PRKAG2: variants seen among roughly 807,000 people sequenced by gnomAD.
PRKAG2 encodes protein kinase AMP-activated non-catalytic subunit gamma 2, also known as 5'-AMP-activated protein kinase subunit gamma-2.
Under a neutral mutation model 69.6 loss-of-function variants are expected in PRKAG2, and 26 were observed. The ratio of observed to expected loss-of-function variants is 0.37; its 90% CI spans 0.27 to 0.52. The LOEUF is 0.52. Ranked by LOEUF, PRKAG2 falls within the 20% of genes least tolerant of loss-of-function variation. PRKAG2 has a pLI of 0.90. For missense variants in PRKAG2, 557 were observed against 740.0 expected, an observed-to-expected ratio of 0.75 and a Z score of 2.87; for synonymous variants, 293 against 285.0, an observed-to-expected ratio of 1.03 and a Z score of -0.28.
intron 4 of PRKAG2, among the ~76,000 whole-genome samples, chr7:151,668,444 A>G (rs1831357023): frequency 6.6e-6 from 1 of 152,244 alleles, no homozygotes; most frequent in Non-Finnish European, 1.5e-5. Flanking sequence ...AAAGAAGAGC[A>G]TAGAGAATTC....
Position 151,725,308 on chromosome 7 carries a change from T to C in PRKAG2, c.467-49671A>G, listed in dbSNP as rs531184731. On this transcript the variant is annotated intron_variant, in intron 3 of 15. Coordinates refer to ENST00000287878, the MANE Select transcript of PRKAG2 (RefSeq NM_016203.4). ...CCAGTCACAAACAAATACTGTCTGA[T>C]TCCGCTGACGAGAGGTCCCTGGAGT... 4.5e-3 allele frequency among the ~76,000 whole-genome samples: 685 copies of C among 152,208 alleles called. 2 individuals carry two copies. The highest frequency in any genetic ancestry group is 7.2e-3 in the Non-Finnish European group (492 of 68,016).
chr7:151,757,344 A>C (rs2075155661), intron 3 of PRKAG2, among the ~76,000 whole-genome samples: 1 of 152,202 alleles, frequency 6.6e-6, no homozygotes, highest in African/African-American at 2.4e-5. Context: ...AAAGGACCTG[A>C]AGTTTTACAA....
At chr7:151,660,109 C>A (rs1310280816) in intron 4 of PRKAG2, among the ~76,000 whole-genome samples, 9 of 152,192 alleles carry the variant, frequency 5.9e-5, no homozygotes, top group Non-Finnish European at 4.4e-5. Flanking sequence ...AAAGAATAAA[C>A]CATATTAATA....
At chr7:151,635,569 A>AG (rs2151342226) in intron 4 of PRKAG2, among the ~76,000 whole-genome samples, 1 of 150,238 alleles carries the variant, frequency 6.7e-6, no homozygotes, top group East Asian at 1.9e-4. Context: ...AATTATGCTG[A>AG]GGGGGAAAAA....
At chr7:151,696,241 C>A (rs1459743123) in intron 3 of PRKAG2, among the ~76,000 whole-genome samples, 1 of 152,242 alleles carries the variant, frequency 6.6e-6, no homozygotes, top group Non-Finnish European at 1.5e-5. Context: ...CCGCAGCTCA[C>A]AGCACTTTCA....
At chr7:151,561,092 A>G (rs1048406656) in intron 14 of PRKAG2, among the ~76,000 whole-genome samples, 26 of 152,312 alleles carry the variant, frequency 1.7e-4, no homozygotes, top group African/African-American at 5.8e-4. Context: ...ACAGGGACAC[A>G]GGCATGAGAA....
intron 1 of PRKAG2, among the ~76,000 whole-genome samples, chr7:151,822,335 G>A (rs923963233): frequency 2.6e-5 from 4 of 151,902 alleles, no homozygotes; most frequent in Non-Finnish European, 4.4e-5. Flanking sequence ...AGCAGGCCAG[G>A]GTCAAGGGCG....
At chr7:151,725,733 T>G (rs1797831455) in intron 3 of PRKAG2, among the ~76,000 whole-genome samples, 1 of 152,094 alleles carries the variant, frequency 6.6e-6, no homozygotes. Context: ...ACTTGAAGTG[T>G]GGGGAAGACC....
intron 6 of PRKAG2, among the ~76,000 whole-genome samples, 199 bp downstream of exon 6, chr7:151,595,146 T>A (rs1814148189): frequency 6.6e-6 from 1 of 152,162 alleles, no homozygotes. Flanking sequence ...AGCTTCCCTG[T>A]CTTTAGGAAG....
chr7:151,741,440 G>A (rs2073884894), intron 3 of PRKAG2, among the ~76,000 whole-genome samples: 1 of 152,182 alleles, frequency 6.6e-6, no homozygotes, highest in Non-Finnish European at 1.5e-5. Context: ...CATTTTGGGA[G>A]GCCGAGGCAG....
Position 151,835,325 on chromosome 7 carries a change from C to A in PRKAG2, c.114+41182G>T, listed in dbSNP as rs1260476464. Among the ~76,000 whole-genome samples the A allele has an allele frequency of 6.6e-6, 1 of 152,018 alleles. No individual in the cohort carries two copies. The highest frequency in any genetic ancestry group is 2.4e-5 in the African/African-American group (1 of 41,378). ...CCTTGACCTCCTGGGCTCAAGTGATCCTCCAGGTAATATTTTTATTTTTTA... is the reference window on the plus strand; with the variant it reads ...CCTTGACCTCCTGGGCTCAAGTGATACTCCAGGTAATATTTTTATTTTTTA... On this transcript the variant is annotated intron_variant, in intron 1 of 15. Coordinates refer to ENST00000287878, the MANE Select transcript of PRKAG2 (RefSeq NM_016203.4). This position sits in a 1 kb window ranked among gnomAD's most constrained non-coding sequence, Gnocchi z 4.1.
chr7:151,728,783 C>A (rs761206107), intron 3 of PRKAG2, among the ~76,000 whole-genome samples: 1 of 152,152 alleles, frequency 6.6e-6, no homozygotes, highest in Non-Finnish European at 1.5e-5. Context: ...CTGATGAGCG[C>A]CCCTGGGAGA....
At chr7:151,672,045 G>T (rs1239822472) in intron 4 of PRKAG2, among the ~76,000 whole-genome samples, 2 of 150,412 alleles carry the variant, frequency 1.3e-5, no homozygotes, top group African/African-American at 4.9e-5. Context: ...TTTTGAGATG[G>T]AGTTTCACTC....
intron 6 of PRKAG2, among the ~76,000 whole-genome samples, chr7:151,577,961 T>TA (rs1481794011): frequency 6.7e-6 from 1 of 150,308 alleles, no homozygotes; most frequent in Non-Finnish European, 1.5e-5. Flanking sequence ...AATGTTTCTT[T>TA]AAAAAAAGTG....
At chr7:151,847,984 C>T (rs1168838061) in intron 1 of PRKAG2, among the ~76,000 whole-genome samples, 1 of 152,196 alleles carries the variant, frequency 6.6e-6, no homozygotes, top group African/African-American at 2.4e-5. Flanking sequence ...ATCAGAGCTG[C>T]TTTTCTAAAG....
intron 15 of PRKAG2, chr7:151,559,514 A>G (rs1005005555): frequency 1.5e-5 from 15 of 981,816 alleles, no homozygotes; most frequent in Non-Finnish European, 1.6e-5. Flanking sequence ...GGTGGTGGTG[A>G]TGATGCCTGG....
chr7:151,608,551 C>G (rs530649738), intron 5 of PRKAG2, among the ~76,000 whole-genome samples: 1 of 152,200 alleles, frequency 6.6e-6, no homozygotes, highest in Non-Finnish European at 1.5e-5. Flanking sequence ...TTGTAGATAT[C>G]AGGCATGAGT....
intron 1 of PRKAG2, among the ~76,000 whole-genome samples, chr7:151,829,744 T>G (rs1353910578): frequency 2.6e-5 from 4 of 151,952 alleles, no homozygotes; most frequent in Admixed American, 1.3e-4. Flanking sequence ...TTAAAAACAT[T>G]TCGTTACGTG....
chr7:151,632,321 G>GGCC lies in PRKAG2; in HGVS notation c.685-186_685-184dup, dbSNP rs772485064. The GGCC allele has an allele frequency of 2.5e-4, 198 of 793,954 alleles. No individual in the cohort carries two copies. The highest frequency in any genetic ancestry group is 1.1e-3 in the African/African-American group (59 of 53,128). 49.2% of individuals were successfully genotyped at this position (793,954 alleles called of 1,614,324 possible). A position where few individuals can be genotyped will look rare whatever the true frequency, so the allele number is the denominator to read the frequency against. ...GGGAGCGCTGCCCCCACCCGCCCGAGGCCGCCGCCGCCGCCGCAGGTGGCG... is the reference window on the plus strand; with the variant it reads ...GGGAGCGCTGCCCCCACCCGCCCGAGGCCGCCGCCGCCGCCGCCGCAGGTGGCG... On this transcript the variant is annotated intron_variant, in intron 4 of 15. Coordinates refer to ENST00000287878, the MANE Select transcript of PRKAG2 (RefSeq NM_016203.4). This position sits in a 1 kb window ranked among gnomAD's most constrained non-coding sequence, Gnocchi z 4.2.
Sources: gnomAD v4.1 joint callset for allele counts (sites outside exome capture counted in the v4.1 genomes callset) on GRCh38, gnomAD v4.1.1 for gene constraint, Gnocchi (gnomAD v3.1) non-coding constraint, MANE v1.5 for transcripts, NCBI Gene and HGNC (gene_info 2026-07-23, HGNC 2026-07-21) for gene names.